Variants in HEXB observed in about 807,000 individuals in gnomAD.
The protein encoded by HEXB is hexosaminidase subunit beta.
A neutral mutation model predicts 71.2 loss-of-function variants in HEXB; 51 were observed. The observed-to-expected ratio is 0.72, with a 90% CI of 0.57 to 0.90. The LOEUF is 0.90. Among genes scored for constraint, HEXB ranks in the 40% least tolerant of loss-of-function variants. HEXB has a pLI of 0.00. For missense variants in HEXB, 617 were observed against 677.0 expected (o/e 0.91, Z 0.98); for synonymous variants, 266 against 249.3 (o/e 1.07, Z -0.63).
chr5:74,663,099 G>T (rs1748357886), intron 1 of HEXB, among the ~76,000 whole-genome samples: 1 of 152,066 alleles, frequency 6.6e-6, no homozygotes, highest in African/African-American at 2.4e-5. Context: ...CTCAGTAAAC[G>T]AAGACCCAAG....
intron 2 of HEXB, among the ~76,000 whole-genome samples, chr5:74,691,162 G>A (rs1229318005): frequency 2.0e-5 from 3 of 152,084 alleles, no homozygotes; most frequent in Non-Finnish European, 4.4e-5. Context: ...GAATAAACTA[G>A]TTTTTAGTCT....
At chr5:74,661,368 C>T (rs1383064866) in intron 1 of HEXB, among the ~76,000 whole-genome samples, 6 of 152,144 alleles carry the variant, frequency 3.9e-5, no homozygotes, top group Non-Finnish European at 7.3e-5. Flanking sequence ...CCCATGTCTT[C>T]CTCTATCTTC....
In HEXB at chr5:74,667,142, C is replaced by A. The variant is rs1452321452; in HGVS notation, c.-376-22186C>A. Among the ~76,000 whole-genome samples, 4 of 152,054 alleles carry A rather than the reference C, an allele frequency of 2.6e-5. No individual in the cohort carries two copies. The South Asian group carries it at 8.3e-4, about 32-fold the overall frequency. ...TAATTTAAAAATTATTGGCCGGGCA[C>A]AGTGGCTCACGTCTGTAATCCCAGC... On this transcript the variant is annotated intron_variant, in intron 1 of 13. Coordinates refer to the HEXB transcript ENST00000511181.
At chr5:74,640,695 C>T (rs980606778) in intron 1 of HEXB, 1 of 152,614 alleles carries the variant, frequency 6.6e-6, no homozygotes, top group Non-Finnish European at 1.5e-5. Flanking sequence ...GCCACCGCCG[C>T]ACCGCCTCCT....
At chr5:74,701,379 C>T (rs1025525212) in intron 5 of HEXB, among the ~76,000 whole-genome samples, 1 of 151,850 alleles carries the variant, frequency 6.6e-6, no homozygotes, top group Non-Finnish European at 1.5e-5. Flanking sequence ...TGTATCAAAC[C>T]TATTAGGTAT....
At position 74,685,335 on chromosome 5, in the gene HEXB, G is replaced by C; in HGVS notation, c.75G>C (p.Ala25=). 1 of 1,579,152 alleles carries C rather than the reference G, an allele frequency of 6.3e-7. No homozygotes were observed. The highest frequency in any genetic ancestry group is 8.6e-7 in the Non-Finnish European group (1 of 1,164,492). The part of the protein sequence containing the change: ...LALLLATLLA[A]MLALLTQVAL... ...TGCTGTTGGCGACACTGCTGGCGGC[G>C]ATGTTGGCGCTGCTGACTCAGGTGG... The change falls in exon 1 of 14, where the codon GCG becomes GCC. Residue 25 remains alanine, a synonymous_variant. Coordinates refer to ENST00000261416, the MANE Select transcript of HEXB (RefSeq NM_000521.4).
chr5:74,715,715 TTAAA>T, intron 8 of HEXB, 25 bp downstream of exon 8: 1 of 1,418,708 alleles, frequency 7.0e-7, no homozygotes, highest in Non-Finnish European at 9.7e-7. Context: ...TAAAACCCCT[TTAAA>T]AAAAAAAAAA....
intron 1 of HEXB, among the ~76,000 whole-genome samples, chr5:74,649,168 G>A (rs751918213): frequency 8.5e-5 from 13 of 152,120 alleles, no homozygotes; most frequent in East Asian, 1.9e-4. Flanking sequence ...TCTGGGGTCC[G>A]GCCGGCCTGC....
At chr5:74,687,916 C>T (rs1748909662) in intron 1 of HEXB, among the ~76,000 whole-genome samples, 1 of 151,282 alleles carries the variant, frequency 6.6e-6, no homozygotes, top group African/African-American at 2.4e-5. Flanking sequence ...CGTTCTTACA[C>T]ATAAGTAGCA....
At chr5:74,690,807 A>C (rs1748986204) in intron 2 of HEXB, among the ~76,000 whole-genome samples, 1 of 152,082 alleles carries the variant, frequency 6.6e-6, no homozygotes, top group Non-Finnish European at 1.5e-5. Context: ...TTTCTCAATA[A>C]TACATCTCTT....
intron 5 of HEXB, among the ~76,000 whole-genome samples, chr5:74,699,812 C>G (rs1749217192): frequency 1.3e-5 from 2 of 152,002 alleles, no homozygotes; most frequent in South Asian, 4.2e-4. Context: ...AGGCTGCCTT[C>G]TAGACAGGTC....
chr5:74,676,570 A>T (rs1055726561), intron 1 of HEXB, among the ~76,000 whole-genome samples: 1 of 152,134 alleles, frequency 6.6e-6, no homozygotes, highest in African/African-American at 2.4e-5. Flanking sequence ...GTTCAAGACC[A>T]GCCTGGCCAA....
intron 1 of HEXB, among the ~76,000 whole-genome samples, chr5:74,649,456 C>T (rs1389201747): frequency 6.6e-6 from 1 of 152,184 alleles, no homozygotes; most frequent in Non-Finnish European, 1.5e-5. Context: ...CTTTAATCCC[C>T]ACAGCAACCC....
rs74960200 is a variant in HEXB, at chr5:74,665,995, T to C, written c.-376-23333T>C. ...TTCTTTATAACACAGAAGTACCACA[T>C]CTGGTCATTAAAAAAATGCATTATA... On this transcript the variant is annotated intron_variant, in intron 1 of 13. Transcript: ENST00000511181. Among the ~76,000 whole-genome samples the C allele has an allele frequency of 2.6e-3, 391 of 152,310 alleles. 1 individual carries two copies. Among genetic ancestry groups the C allele is most frequent in the African/African-American group, 8.8e-3 (364 of 41,554 alleles).
chr5:74,654,162 G>C (rs940670413), intron 1 of HEXB, among the ~76,000 whole-genome samples: 8 of 152,046 alleles, frequency 5.3e-5, no homozygotes, highest in Admixed American at 2.6e-4. Flanking sequence ...AGGAGCCAAT[G>C]CATCTCTGGA....
chr5:74,715,236 C>T (rs62366370), intron 7 of HEXB, among the ~76,000 whole-genome samples: 2 of 152,058 alleles, frequency 1.3e-5, no homozygotes, highest in African/African-American at 2.4e-5. Context: ...AATTGAAGCT[C>T]AAGAAAAAGC....
Position 74,713,468 on chromosome 5 carries a change from G to A in HEXB, c.772-38G>A, listed in dbSNP as rs561242281. 1.3e-5 allele frequency: 21 copies of A among 1,595,456 alleles called. 1 individual carries two copies. Among genetic ancestry groups the A allele is most frequent in the South Asian group, 9.9e-5 (9 of 90,612 alleles). ...TAACAATTTCCAGGATCAAATCTAC[G>A]TTGTACATTTTAACTTGAATAAATA... On this transcript the variant is annotated intron_variant, in intron 6 of 13. Coordinates refer to ENST00000261416, the MANE Select transcript of HEXB (RefSeq NM_000521.4).
intron 1 of HEXB, among the ~76,000 whole-genome samples, chr5:74,655,934 A>G (rs1258165977): frequency 6.6e-6 from 1 of 152,222 alleles, no homozygotes; most frequent in Non-Finnish European, 1.5e-5. Context: ...GCATGATGAC[A>G]GTCACATAAA....
At chr5:74,703,202 C>T (rs1036645767) in intron 5 of HEXB, among the ~76,000 whole-genome samples, 1 of 152,252 alleles carries the variant, frequency 6.6e-6, no homozygotes, top group Admixed American at 6.5e-5. Flanking sequence ...GTCCACCCAG[C>T]TTGGCCTCCC....
Sources: gnomAD v4.1 joint callset for allele counts (sites outside exome capture counted in the v4.1 genomes callset) on GRCh38, gnomAD v4.1.1 for gene constraint, MANE v1.5 for transcripts, NCBI Gene and HGNC (gene_info 2026-07-23, HGNC 2026-07-21) for gene names.